The following WDR35 variants were observed in gnomAD, a reference collection of about 807,000 sequenced individuals.
WDR35 encodes the protein WD repeat-containing protein 35.
Under a neutral mutation model 158.3 loss-of-function variants are expected in WDR35, and 118 were observed. The observed-to-expected ratio is 0.75, with a 90% confidence interval of 0.64 to 0.87. WDR35 has a LOEUF of 0.87. Among genes scored for constraint, WDR35 ranks in the 40% least tolerant of loss-of-function variants. The pLI, the probability that WDR35 is intolerant of heterozygous loss-of-function variation, is 0.00. For synonymous variants in WDR35, 448 were observed against 476.1 expected (o/e 0.94, Z 0.77); for missense variants, 1,263 against 1,405.8 (o/e 0.90, Z 1.62).
intron 25 of WDR35, among the ~76,000 whole-genome samples, chr2:19,927,164 AT>A (rs1297602429): frequency 2.6e-5 from 4 of 152,176 alleles, no homozygotes; most frequent in Non-Finnish European, 5.9e-5. Context: ...TATTGGGCAT[AT>A]TTATCAATCT....
chr2:19,940,227 C>G (rs1015395164), intron 17 of WDR35, among the ~76,000 whole-genome samples: 2 of 149,506 alleles, frequency 1.3e-5, no homozygotes, highest in South Asian at 4.2e-4. Context: ...ATTAGCCAAG[C>G]ATGGCGGCCT....
chr2:19,971,584 A>G (rs1208310440), intron 8 of WDR35, among the ~76,000 whole-genome samples: 1 of 152,228 alleles, frequency 6.6e-6, no homozygotes, highest in Non-Finnish European at 1.5e-5. Flanking sequence ...TCATAGCAGC[A>G]CATAATAGAG....
At chr2:19,983,806 T>A (rs187986622) in intron 2 of WDR35, among the ~76,000 whole-genome samples, 1 of 152,258 alleles carries the variant, frequency 6.6e-6, no homozygotes, top group Admixed American at 6.5e-5. Flanking sequence ...AACAATGCAA[T>A]CATCTGTCAA....
At position 19,974,605 on chromosome 2, in the gene WDR35, T is replaced by C; in HGVS notation, c.599A>G (p.Asn200Ser). 1 of 1,613,806 alleles carries C rather than the reference T, an allele frequency of 6.2e-7. No homozygotes were observed. The highest frequency in any genetic ancestry group is 8.5e-7 in the Non-Finnish European group (1 of 1,179,848). ...AGCAATGCTGATAGCTCCAGTGACATTCACCAAACAACTCAGTTTCATTTT... is the reference window on the plus strand; with the variant it reads ...AGCAATGCTGATAGCTCCAGTGACACTCACCAAACAACTCAGTTTCATTTT... Reference protein sequence around the residue: ...MIKMKLSCLVNVTGAISIAGI... With the variant: ...MIKMKLSCLVSVTGAISIAGI... The change falls in exon 7 of 27, where the codon AAT becomes AGT. Residue 200 changes from asparagine (N) to serine (S), a missense_variant. Transcript: ENST00000281405.
intron 10 of WDR35, among the ~76,000 whole-genome samples, chr2:19,961,427 T>C (rs1558347100): frequency 6.6e-6 from 1 of 152,142 alleles, no homozygotes; most frequent in South Asian, 2.1e-4. Flanking sequence ...ACTGAAAAAT[T>C]TGAGTTAAGC....
chr2:19,938,241 G>C, intron 18 of WDR35, 24 bp downstream of exon 18: 1 of 1,613,864 alleles, frequency 6.2e-7, no homozygotes, highest in Non-Finnish European at 8.5e-7. Context: ...TGACATCCTG[G>C]GAGAGTTTGC....
In WDR35 at chr2:19,932,422, T is replaced by C; in HGVS notation, c.2684A>G (p.Lys895Arg). 1 of 1,613,314 alleles carries C rather than the reference T, an allele frequency of 6.2e-7. No homozygotes were observed. The highest frequency in any genetic ancestry group is 1.1e-5 in the South Asian group (1 of 91,064). The change falls in exon 23 of 27, where the codon AAA becomes AGA. Residue 895 changes from lysine (K) to arginine (R), a missense_variant. Lys to Arg is a conservative substitution (Grantham distance 26). Coordinates refer to ENST00000281405, the MANE Select transcript of WDR35 (RefSeq NM_020779.4). ...NQWNKAVELA[K>R]NHSMKEIGSL... ...TCCAATTTCTTTCATACTATGATTT[T>C]TAGCCAATTCAACAGCTTTGTTCCA...
At chr2:19,922,893 C>T (rs1356344480) in intron 25 of WDR35, among the ~76,000 whole-genome samples, 1 of 152,172 alleles carries the variant, frequency 6.6e-6, no homozygotes, top group Admixed American at 6.5e-5. Flanking sequence ...GGGCAAGGAA[C>T]ACCTGGCCCG....
chr2:19,972,989 T>C (rs1480136443), intron 8 of WDR35, among the ~76,000 whole-genome samples: 1 of 152,080 alleles, frequency 6.6e-6, no homozygotes, highest in South Asian at 2.1e-4. Context: ...TAAAATTAAA[T>C]TTATTAAAAA....
chr2:19,935,548 A>C lies in WDR35; in HGVS notation c.2470T>G (p.Cys824Gly), dbSNP rs1361138552. 1.9e-6 allele frequency: 3 copies of C among 1,613,262 alleles called. No individual in the cohort carries two copies. The highest frequency in any genetic ancestry group is 2.5e-6 in the Non-Finnish European group (3 of 1,179,622). The change falls in exon 21 of 27, where the codon TGT becomes GGT. Residue 824 changes from cysteine to glycine, a missense_variant. Transcript: ENST00000281405. ...TCATAATCCTCTAACATATAGTAACATTCAGCTAAGCGTTCCTGGTTCCGT... is the reference window on the plus strand; with the variant it reads ...TCATAATCCTCTAACATATAGTAACCTTCAGCTAAGCGTTCCTGGTTCCGT... ...QGRNQERLAE[C>G]YYMLEDYEGL...
chr2:19,965,218 C>G (rs905843912), intron 10 of WDR35, among the ~76,000 whole-genome samples: 11 of 152,224 alleles, frequency 7.2e-5, no homozygotes, highest in African/African-American at 2.2e-4. Context: ...CCATCGCACC[C>G]AGCCCCAAAA....
At chr2:19,988,270 TATTTATTATTC>T (rs1188882930) in intron 2 of WDR35, among the ~76,000 whole-genome samples, 9 of 152,192 alleles carry the variant, frequency 5.9e-5, no homozygotes, top group Admixed American at 6.5e-5. Context: ...CGTCAATAAG[TATTTATTATTC>T]ATACCGCATT....
rs182360785 is a variant in WDR35, at chr2:19,914,147, C to T, written c.3252G>A (p.Glu1084=). ...SKAFIKLKSL[E]TLSSEQKQQY... is the part of the protein sequence containing the mutation. The stretch of plus-strand genomic sequence containing the variant: ...GCTGTTTCTGTTCTGAACTGAGGGT[C>T]TCTAAAGATTTAAGTTTAATGAAAG... The change falls in exon 26 of 27, where the codon GAG becomes GAA. Residue 1084 remains glutamate (E), a synonymous_variant. Coordinates refer to ENST00000281405, the MANE Select transcript of WDR35 (RefSeq NM_020779.4). The T allele has an allele frequency of 5.3e-5, 86 of 1,614,120 alleles. No individual in the cohort carries two copies. The Middle Eastern group carries it at 8.2e-4, about 15-fold the overall frequency.
intron 2 of WDR35, among the ~76,000 whole-genome samples, chr2:19,987,823 CAAAAAAAAAAA>C (rs34794090): frequency 1.7e-5 from 1 of 57,170 alleles, no homozygotes; most frequent in African/African-American, 7.4e-5. Context: ...AACTCTGTCT[CAAAAAAAAAAA>C]AAAAAAAAAA....
At chr2:19,961,542 G>A (rs1462716824) in intron 10 of WDR35, among the ~76,000 whole-genome samples, 2 of 152,166 alleles carry the variant, frequency 1.3e-5, no homozygotes, top group Non-Finnish European at 2.9e-5. Flanking sequence ...AAGAACCTGA[G>A]GCATTTCTTC....
intron 10 of WDR35, among the ~76,000 whole-genome samples, chr2:19,961,768 T>C (rs1671669358): frequency 6.6e-6 from 1 of 152,184 alleles, no homozygotes; most frequent in Non-Finnish European, 1.5e-5. Context: ...CCACTTACTA[T>C]GAGAATGTCT....
chr2:19,980,287 T>C (rs1672343087), intron 4 of WDR35, among the ~76,000 whole-genome samples: 1 of 152,052 alleles, frequency 6.6e-6, no homozygotes, highest in Non-Finnish European at 1.5e-5. Flanking sequence ...ATTTCCCCTT[T>C]CCCCTCAGAG....
At chr2:19,974,831 T>C (rs1215857172) in intron 6 of WDR35, among the ~76,000 whole-genome samples, 198 bp from the exon 7 acceptor site, 2 of 152,162 alleles carry the variant, frequency 1.3e-5, no homozygotes, top group East Asian at 3.9e-4. Flanking sequence ...ATGTAAAAAA[T>C]GAGGATTAAA....
rs200341288 is a variant in WDR35 at position 19,966,830 on chromosome 2, G to A, written c.1088C>T (p.Thr363Met). The change falls in exon 10 of 27, where the codon ACG (threonine) becomes ATG (methionine). Residue 363 changes from threonine (T) to methionine (M), a missense_variant. By Grantham distance (81) the Thr-to-Met change is moderately conservative. Transcript: ENST00000281405. Reference sequence around the variant, plus strand: ...TTTAACATATTTTTCATTGTTTTTCGTATCCCAGAAGACAACACAATATTC... The same window carrying A: ...TTTAACATATTTTTCATTGTTTTTCATATCCCAGAAGACAACACAATATTC... ...RPEYCVVFWD[T>M]KNNEKYVKYV... 22 of 1,613,640 alleles carry A rather than the reference G, an allele frequency of 1.4e-5. No individual in the cohort carries two copies. The highest frequency in any genetic ancestry group is 1.6e-4 in the Middle Eastern group (1 of 6,080).
Sources: allele counts gnomAD v4.1 joint callset (sites outside exome capture counted in the v4.1 genomes callset), GRCh38; gene constraint gnomAD v4.1.1; transcripts MANE v1.5; gene names NCBI Gene and HGNC (gene_info 2026-07-23, HGNC 2026-07-21).